AASS: variants seen among roughly 807,000 people sequenced by gnomAD.
The protein encoded by AASS is aminoadipate-semialdehyde synthase, also known as alpha-aminoadipic semialdehyde synthase, mitochondrial.
A neutral mutation model predicts 105.4 loss-of-function variants in AASS; 86 were observed. That is an observed-to-expected ratio of 0.82 (90% CI 0.69 to 0.98). The LOEUF (loss-of-function observed/expected upper bound fraction) is 0.98, where lower values mean the gene tolerates loss of function less well. Among genes scored for constraint, AASS ranks in the 50% least tolerant of loss-of-function variants. The pLI is 0.00. For missense variants in AASS, 1,048 were observed against 1,143.2 expected (o/e 0.92, Z 1.20); for synonymous variants, 381 against 394.8 (o/e 0.96, Z 0.41).
intron 22 of AASS, among the ~76,000 whole-genome samples, chr7:122,078,231 T>G (rs2150506382): frequency 6.6e-6 from 1 of 152,230 alleles, no homozygotes; most frequent in Non-Finnish European, 1.5e-5. Flanking sequence ...CATGTCACCA[T>G]ATCCTGTTTA....
chr7:122,113,149 C>A lies in AASS; in HGVS notation c.1247G>T (p.Gly416Val). ...QLPIEATECF[G>V]DMLYPYVEEM... ...TTCAACATAAGGGTAAAGCATGTCT[C>A]CAAAGCATTCTGTAGCTTCAATTGG... Residue 416 changes from glycine (G) to valine (V), a missense_variant, in exon 11 of 24, where the codon GGA (glycine) becomes GTA (valine). Transcript: ENST00000417368. The A allele has an allele frequency of 6.2e-7, 1 of 1,613,964 alleles. No homozygotes were observed. Among genetic ancestry groups the A allele is most frequent in the South Asian group, 1.1e-5 (1 of 91,078 alleles).
At position 122,104,829 on chromosome 7, in the gene AASS, T is replaced by C. The variant is rs59679906; in HGVS notation, c.1279-3149A>G. 4.3e-3 allele frequency among the ~76,000 whole-genome samples: 650 copies of C among 152,144 alleles called. 7 individuals carry two copies. Among genetic ancestry groups the C allele is most frequent in the African/African-American group, 0.015 (620 of 41,522 alleles). On this transcript the variant is annotated intron_variant, in intron 11 of 23. Transcript: ENST00000417368. ...CTGAAAAACTACCTATCAGGTACTATGCTCACTACTTTAGTGACGAATTCA... is the reference window on the plus strand; with the variant it reads ...CTGAAAAACTACCTATCAGGTACTACGCTCACTACTTTAGTGACGAATTCA...
chr7:122,098,715 T>C, intron 14 of AASS, 30 bp downstream of exon 14: 1 of 1,602,934 alleles, frequency 6.2e-7, no homozygotes, highest in Non-Finnish European at 8.5e-7. Flanking sequence ...AAAATACATT[T>C]TTCTTCTTCA....
intron 9 of AASS, among the ~76,000 whole-genome samples, chr7:122,114,626 CA>C (rs1584869614): frequency 6.6e-6 from 1 of 151,850 alleles, no homozygotes; most frequent in Admixed American, 6.6e-5. Context: ...AATTTCAAAA[CA>C]AAAAACAGAG....
chr7:122,129,383 A>T lies in AASS; in HGVS notation c.365T>A (p.Leu122Ter). 3.1e-6 allele frequency: 5 copies of T among 1,609,224 alleles called. No individual in the cohort carries two copies. The highest frequency in any genetic ancestry group is 3.4e-6 in the Non-Finnish European group (4 of 1,177,150). ...TIKAQEANMG[L>*]LDEILKQEIR... ...TACCTGTTTTAGAATCTCATCCAAC[A>T]AGCCCATATTGGCCTCCTGAGCTTT... The change falls in exon 3 of 24, where the codon TTG becomes TAG. Residue 122 changes from leucine (L) to a stop codon, truncating the protein, a stop_gained. Transcript: ENST00000417368. LOFTEE classifies it high-confidence loss of function.
chr7:122,116,076 A>G lies in AASS; in HGVS notation c.894+557T>C, dbSNP rs73426015. 4.3e-3 allele frequency among the ~76,000 whole-genome samples: 651 copies of G among 152,306 alleles called. 7 individuals are homozygous for G. Among genetic ancestry groups the G allele is most frequent in the African/African-American group, 0.015 (621 of 41,556 alleles). On this transcript the variant is annotated intron_variant, in intron 8 of 23. Transcript: ENST00000417368. Reference sequence around the variant, plus strand: ...GGGGAAGAATGTTGCATGGCCAATGACTATAGAGCACACAAATATATTTTA... The same window carrying G: ...GGGGAAGAATGTTGCATGGCCAATGGCTATAGAGCACACAAATATATTTTA...
intron 13 of AASS, among the ~76,000 whole-genome samples, 176 bp from the exon 14 acceptor site, chr7:122,099,042 A>G (rs536085850): frequency 6.6e-6 from 1 of 151,958 alleles, no homozygotes; most frequent in South Asian, 2.1e-4. Flanking sequence ...CTATAACAAC[A>G]TGTTTCTTTA....
intron 4 of AASS, among the ~76,000 whole-genome samples, chr7:122,124,365 C>T (rs1042996600): frequency 1.3e-5 from 2 of 152,176 alleles, no homozygotes; most frequent in African/African-American, 4.8e-5. Flanking sequence ...TTCCTGCAAC[C>T]TCCACCTCTC....
Position 122,093,070 on chromosome 7 carries a change from C to T in AASS, c.1744G>A (p.Ala582Thr). 6.2e-7 allele frequency: 1 copy of T among 1,613,906 alleles called. No homozygotes were observed. The highest frequency in any genetic ancestry group is 8.5e-7 in the Non-Finnish European group (1 of 1,179,822). Residue 582 changes from alanine to threonine, a missense_variant, in exon 16 of 24, where the codon GCA becomes ACA. By Grantham distance (58) the Ala-to-Thr change is moderately conservative. Transcript: ENST00000417368. ...TACCTCTTTTCCAATTCTTTTAGTGCTGGTGTGATGTAGCTTGCAGTGACC... is the reference window on the plus strand; with the variant it reads ...TACCTCTTTTCCAATTCTTTTAGTGTTGGTGTGATGTAGCTTGCAGTGACC... ...NMVTASYITP[A>T]LKELEKSVED... is the part of the protein sequence containing the mutation.
intron 9 of AASS, among the ~76,000 whole-genome samples, chr7:122,114,192 C>T (rs1372157929): frequency 6.6e-6 from 1 of 152,194 alleles, no homozygotes; most frequent in Non-Finnish European, 1.5e-5. Flanking sequence ...CCAATTACCA[C>T]TTGCATACAT....
In AASS at chr7:122,078,944, G is replaced by T; in HGVS notation, c.2403C>A (p.Gly801=). The T allele has an allele frequency of 1.2e-6, 2 of 1,614,112 alleles. No homozygotes were observed. The highest frequency in any genetic ancestry group is 1.7e-6 in the Non-Finnish European group (2 of 1,180,010). ...GAGGAACTTGTTCATCCCCAAGTAA[G>T]CCCAACCTGAAAAGCACAGGAGATG... is the stretch of plus-strand genomic sequence containing the variant. ...NTQLEAAEWL[G]LLGDEQVPQA... is the part of the protein sequence containing the mutation. The change falls in exon 22 of 24, where the codon GGC becomes GGA. Residue 801 remains glycine, a synonymous_variant. Coordinates refer to ENST00000417368, the MANE Select transcript of AASS (RefSeq NM_005763.4).
rs1793010760 is a variant in AASS, at chr7:122,076,437, C to T, written c.*52G>A. Reference sequence around the variant, plus strand: ...CATTAGCAAACCCATTTATCACACACATGTTCAGAGGTGTATTGCCTGGGA... The same window carrying T: ...CATTAGCAAACCCATTTATCACACATATGTTCAGAGGTGTATTGCCTGGGA... On this transcript the variant is annotated 3_prime_UTR_variant, in exon 24 of 24. Transcript: ENST00000417368. 2.6e-6 allele frequency: 3 copies of T among 1,176,332 alleles called. No individual in the cohort carries two copies. The highest frequency in any genetic ancestry group is 3.8e-6 in the Non-Finnish European group (3 of 781,196). 72.9% of individuals were successfully genotyped at this position (1,176,332 alleles called of 1,614,324 possible).
At chr7:122,094,881 T>C (rs1562915613) in intron 15 of AASS, among the ~76,000 whole-genome samples, 3 of 151,890 alleles carry the variant, frequency 2.0e-5, no homozygotes, top group Admixed American at 2.0e-4. Context: ...TTGACCTAGT[T>C]TGACACTTCC....
intron 15 of AASS, 117 bp downstream of exon 15, chr7:122,098,333 C>G: frequency 8.6e-7 from 1 of 1,163,248 alleles, no homozygotes. Context: ...TGGACCCATA[C>G]TTCAATTAAA....
At chr7:122,118,052 T>C (rs574591941) in intron 6 of AASS, among the ~76,000 whole-genome samples, 33 of 152,222 alleles carry the variant, frequency 2.2e-4, no homozygotes, top group African/African-American at 6.0e-4. Flanking sequence ...TGTGTATGTA[T>C]GTGTATAGAT....
chr7:122,120,037 G>A (rs951382682), intron 4 of AASS, among the ~76,000 whole-genome samples: 2 of 152,028 alleles, frequency 1.3e-5, no homozygotes, highest in African/African-American at 4.8e-5. Flanking sequence ...ACAATGTGTC[G>A]GCTTTTACTC....
intron 13 of AASS, among the ~76,000 whole-genome samples, chr7:122,099,851 C>T (rs1454131558): frequency 6.6e-6 from 1 of 151,836 alleles, no homozygotes; most frequent in East Asian, 1.9e-4. Context: ...GTGAAGAGGT[C>T]TCATTTAACT....
rs888785629 is a variant in AASS at position 122,081,475 on chromosome 7, T to C, written c.2280+25A>G. 1.9e-6 allele frequency: 3 copies of C among 1,552,326 alleles called. 1 individual carries two copies. Among genetic ancestry groups the C allele is most frequent in the South Asian group, 2.2e-5 (2 of 89,920 alleles). On this transcript the variant is annotated intron_variant, in intron 20 of 23. Transcript: ENST00000417368. Reference sequence around the variant, plus strand: ...GAAGGTATTTCTGAAAAGGAGCAGATAGAACGTAATTCGGAGTCACTCACC... The same window carrying C: ...GAAGGTATTTCTGAAAAGGAGCAGACAGAACGTAATTCGGAGTCACTCACC...
chr7:122,074,752 G>A lies in AASS; in HGVS notation c.*1737C>T, dbSNP rs758723803. On this transcript the variant is annotated 3_prime_UTR_variant, in exon 24 of 24. Coordinates refer to ENST00000417368, the MANE Select transcript of AASS (RefSeq NM_005763.4). ...AAGACTATTTTGCCCCCATTGAATT[G>A]TCTTAGCACTATTTTCAAAAGTCAG... Among the ~76,000 whole-genome samples the A allele has an allele frequency of 6.6e-5, 10 of 152,150 alleles. No individual in the cohort carries two copies. Among genetic ancestry groups the A allele is most frequent in the Admixed American group, 1.3e-4 (2 of 15,284 alleles).
Sources: allele counts gnomAD v4.1 joint callset (sites outside exome capture counted in the v4.1 genomes callset), GRCh38; gene constraint gnomAD v4.1.1; transcripts MANE v1.5; gene names NCBI Gene and HGNC (gene_info 2026-07-23, HGNC 2026-07-21).